Variants in CEP290 observed in about 807,000 individuals in gnomAD.
The protein encoded by CEP290 is centrosomal protein of 290 kDa.
In CEP290, 317 loss-of-function variants were observed where a neutral mutation model predicts 344.9. The observed-to-expected ratio is 0.92, with a 90% CI of 0.84 to 1.01. CEP290 has a LOEUF of 1.01. Ranked by LOEUF, CEP290 falls within the 50% of genes least tolerant of loss-of-function variation. CEP290 has a pLI of 0.00. For missense variants in CEP290, 2,754 were observed against 2,761.4 expected (o/e 1.00, Z 0.06); for synonymous variants, 932 against 895.8 (o/e 1.04, Z -0.72).
chr12:88,113,938 A>G (rs1325126995), intron 20 of CEP290, among the ~76,000 whole-genome samples: 1 of 152,086 alleles, frequency 6.6e-6, no homozygotes, highest in African/African-American at 2.4e-5. Context: ...AGATTTTGGG[A>G]AAAAACCCCT....
intron 38 of CEP290, 62 bp from the exon 39 acceptor site, chr12:88,079,291 T>A: frequency 7.8e-7 from 1 of 1,275,324 alleles, no homozygotes; most frequent in East Asian, 2.8e-5. Flanking sequence ...TATATGAATA[T>A]ATGATATAAA....
chr12:88,056,170 T>C (rs919066068), intron 49 of CEP290, among the ~76,000 whole-genome samples: 26 of 151,856 alleles, frequency 1.7e-4, no homozygotes, highest in Non-Finnish European at 3.5e-4. Context: ...TGCAAAAGCA[T>C]GGGTAAGAAA....
intron 15 of CEP290, among the ~76,000 whole-genome samples, chr12:88,119,331 C>T (rs907108888): frequency 2.6e-5 from 4 of 151,986 alleles, no homozygotes; most frequent in African/African-American, 9.7e-5. Context: ...TTTAAAGCAG[C>T]AACTTAGTCT....
At chr12:88,088,188 AC>A (rs1162525048) in intron 31 of CEP290, among the ~76,000 whole-genome samples, 1 of 152,206 alleles carries the variant, frequency 6.6e-6, no homozygotes, top group Non-Finnish European at 1.5e-5. Context: ...ACTAATATTC[AC>A]TTTCATTTGT....
chr12:88,112,209 C>T (rs1385947805), intron 20 of CEP290, among the ~76,000 whole-genome samples: 1 of 152,028 alleles, frequency 6.6e-6, no homozygotes, highest in Non-Finnish European at 1.5e-5. Context: ...TCTTAGTTTT[C>T]TTGTCTCTAA....
chr12:88,063,427 T>C (rs2034640374), intron 45 of CEP290, among the ~76,000 whole-genome samples: 1 of 152,120 alleles, frequency 6.6e-6, no homozygotes, highest in Non-Finnish European at 1.5e-5. Flanking sequence ...ATTATTCTTA[T>C]ATTTTACAGT....
intron 19 of CEP290, 121 bp from the exon 20 acceptor site, chr12:88,114,683 T>C (rs2038931877): frequency 3.5e-6 from 3 of 861,102 alleles, no homozygotes; most frequent in South Asian, 2.2e-5. Context: ...CAAATGTAAA[T>C]AAACATACAA....
At chr12:88,109,264 GACA>G (rs1018657703) in intron 22 of CEP290, 83 bp from the exon 23 acceptor site, 6 of 565,050 alleles carry the variant, frequency 1.1e-5, no homozygotes, top group South Asian at 7.2e-5. Flanking sequence ...TTCATATTCT[GACA>G]ACATTATAGG....
In CEP290 at chr12:88,140,987, T is replaced by C. The variant is rs2138298302; in HGVS notation, c.149A>G (p.His50Arg). The C allele has an allele frequency of 6.3e-7, 1 of 1,591,866 alleles. No homozygotes were observed. ...LKSEKQENVI[H>R]LFRITQSLMK... is the part of the protein sequence containing the mutation. Reference sequence around the variant, plus strand: ...TAGTGACTGAGTAATTCTGAAAAGGTGTATCACATTTTCTTGCTTTTCACT... The same window carrying C: ...TAGTGACTGAGTAATTCTGAAAAGGCGTATCACATTTTCTTGCTTTTCACT... The change falls in exon 3 of 54, where the codon CAC becomes CGC. Residue 50 changes from histidine to arginine, a missense_variant. Transcript: ENST00000552810.
At chr12:88,116,148 T>C (rs1176015310) in intron 18 of CEP290, 12 of 701,292 alleles carry the variant, frequency 1.7e-5, no homozygotes, top group Non-Finnish European at 2.1e-5. Context: ...AAAACTAGTC[T>C]TCTCTAGTGC....
At chr12:88,092,198 T>C (rs1240182118) in intron 29 of CEP290, among the ~76,000 whole-genome samples, 2 of 152,246 alleles carry the variant, frequency 1.3e-5, no homozygotes, top group Non-Finnish European at 2.9e-5. Flanking sequence ...CAAGTCAATA[T>C]ATGTTTAATA....
rs772233823 is a variant in CEP290, at chr12:88,086,150, G to C, written c.4326C>G (p.Ile1442Met). ...AQKFEEATGS[I>M]PDPSLPLPNQ... ...TTGGAAGGGGCAAACTAGGGTCAGGGATTGATCCTGTAGCTTCTTCAAACT... is the reference window on the plus strand; with the variant it reads ...TTGGAAGGGGCAAACTAGGGTCAGGCATTGATCCTGTAGCTTCTTCAAACT... The change falls in exon 34 of 54, where the codon ATC becomes ATG. Residue 1442 changes from isoleucine to methionine, a missense_variant. By Grantham distance (10) the Ile-to-Met change is conservative. Transcript: ENST00000552810. The C allele has an allele frequency of 1.6e-5, 25 of 1,612,504 alleles. No individual in the cohort carries two copies. Among genetic ancestry groups the C allele is most frequent in the Non-Finnish European group, 2.1e-5 (25 of 1,179,588 alleles).
intron 6 of CEP290, 110 bp from the exon 7 acceptor site, chr12:88,131,328 A>C (rs926173903): frequency 3.5e-5 from 25 of 709,316 alleles, no homozygotes; most frequent in Non-Finnish European, 5.5e-5. Context: ...CAGTGGTGCG[A>C]TCTCGGCTCA....
intron 20 of CEP290, among the ~76,000 whole-genome samples, chr12:88,112,270 C>G (rs2137734128): frequency 6.6e-6 from 1 of 152,098 alleles, no homozygotes; most frequent in South Asian, 2.1e-4. Context: ...TTTGTACAGT[C>G]AAAATGAGGT....
chr12:88,087,120 T>C (rs2036641016), intron 32 of CEP290, among the ~76,000 whole-genome samples: 1 of 152,192 alleles, frequency 6.6e-6, no homozygotes, highest in Non-Finnish European at 1.5e-5. Flanking sequence ...GACAGTCATA[T>C]GTTTGACGAA....
intron 26 of CEP290, among the ~76,000 whole-genome samples, chr12:88,097,926 A>ATG (rs1364130935): frequency 6.6e-6 from 1 of 152,020 alleles, no homozygotes; most frequent in East Asian, 1.9e-4. Context: ...TTCAGTGCCT[A>ATG]TGTGTGTGTG....
intron 17 of CEP290, 42 bp from the exon 18 acceptor site, chr12:88,117,187 C>T: frequency 1.1e-6 from 1 of 923,872 alleles, no homozygotes; most frequent in Non-Finnish European, 1.6e-6. Flanking sequence ...ATTAAAATAA[C>T]CCTCCTACTA....
intron 34 of CEP290, among the ~76,000 whole-genome samples, 177 bp downstream of exon 34, chr12:88,085,862 T>G (rs2036537610): frequency 6.6e-6 from 1 of 152,160 alleles, no homozygotes; most frequent in African/African-American, 2.4e-5. Flanking sequence ...GAATTCAAAT[T>G]AACTATATCT....
rs528238662 is a variant in CEP290, at chr12:88,140,699, G to A, written c.180+257C>T. On this transcript the variant is annotated intron_variant, in intron 3 of 53. Coordinates refer to ENST00000552810, the MANE Select transcript of CEP290 (RefSeq NM_025114.4). Reference sequence around the variant, plus strand: ...AGTCATTGTCTGCATTTGTCATTTGGACCTCAAGATATATTTCCTTATGTT... The same window carrying A: ...AGTCATTGTCTGCATTTGTCATTTGAACCTCAAGATATATTTCCTTATGTT... 2.0e-5 allele frequency among the ~76,000 whole-genome samples: 3 copies of A among 152,096 alleles called. No individual in the cohort carries two copies. The South Asian group carries it at 6.2e-4, about 32-fold the overall frequency.
Sources: allele counts gnomAD v4.1 joint callset (sites outside exome capture counted in the v4.1 genomes callset), GRCh38; gene constraint gnomAD v4.1.1; transcripts MANE v1.5; gene names NCBI Gene and HGNC (gene_info 2026-07-23, HGNC 2026-07-21).